The following HERC1 variants were observed in gnomAD, a reference collection of about 807,000 sequenced individuals.
HERC1 encodes HECT and RLD domain containing E3 ubiquitin protein ligase family member 1.
Under a neutral mutation model 554.3 loss-of-function variants are expected in HERC1, and 160 were observed. The observed-to-expected ratio is 0.29, with a 90% CI of 0.25 to 0.33. The LOEUF is 0.33. HERC1 is among the 10% of genes least tolerant of loss of function. The probability of loss-of-function intolerance (pLI) is 1.00; values close to 1 mark genes in which losing one functional copy is unlikely to be tolerated. For synonymous variants in HERC1, 2,175 were observed against 2,131.7 expected (o/e 1.02, Z -0.56); for missense variants, 4,919 against 5,918.5 (o/e 0.83, Z 5.54).
In HERC1 at chr15:63,734,287, T is replaced by G. The variant is rs939182894; in HGVS notation, c.2646+437A>C. 5.3e-5 allele frequency among the ~76,000 whole-genome samples: 8 copies of G among 152,158 alleles called. No individual in the cohort carries two copies. The highest frequency in any genetic ancestry group is 1.9e-4 in the African/African-American group (8 of 41,442). ...ATAACTTCTACTTGGTTGAGCAAAATGTACTATTTTAAGGTATATAAGATA... is the reference window on the plus strand; with the variant it reads ...ATAACTTCTACTTGGTTGAGCAAAAGGTACTATTTTAAGGTATATAAGATA... On this transcript the variant is annotated intron_variant, in intron 13 of 77. Coordinates refer to ENST00000443617, the MANE Select transcript of HERC1 (RefSeq NM_003922.4). This position sits in a 1 kb window ranked among gnomAD's most constrained non-coding sequence, Gnocchi z 4.6.
rs2074736941 is a variant in HERC1 at position 63,740,167 on chromosome 15, C to T, written c.2521-5318G>A. 2.0e-5 allele frequency among the ~76,000 whole-genome samples: 3 copies of T among 152,160 alleles called. No individual in the cohort carries two copies. In the South Asian group the frequency reaches 6.2e-4, roughly 31 times the overall value. On this transcript the variant is annotated intron_variant, in intron 12 of 77. Transcript: ENST00000443617. ...TCAAGTGATGTGCCCACCTTAGCCTCCCAAAGTGTGCAGATTACAGGTGTG... is the reference window on the plus strand; with the variant it reads ...TCAAGTGATGTGCCCACCTTAGCCTTCCAAAGTGTGCAGATTACAGGTGTG...
At chr15:63,651,775 A>C (rs553549979) in intron 52 of HERC1, among the ~76,000 whole-genome samples, 1 of 152,332 alleles carries the variant, frequency 6.6e-6, no homozygotes, top group Non-Finnish European at 1.5e-5. Context: ...GTAGTGGCTC[A>C]CATCTGTAAT....
intron 32 of HERC1, 50 bp downstream of exon 32, chr15:63,690,491 T>A: frequency 8.1e-7 from 1 of 1,229,048 alleles, no homozygotes; most frequent in Non-Finnish European, 1.2e-6. Context: ...TTTGGGTGAA[T>A]CATTTTGCAA....
At chr15:63,819,582 T>G (rs1450150570) in intron 1 of HERC1, among the ~76,000 whole-genome samples, 1 of 152,192 alleles carries the variant, frequency 6.6e-6, no homozygotes, top group African/African-American at 2.4e-5. Flanking sequence ...ATTACTGTTC[T>G]CTTCTAACAT....
At chr15:63,642,906 A>G (rs1049341672) in intron 59 of HERC1, 51 bp downstream of exon 59, 17 of 1,110,976 alleles carry the variant, frequency 1.5e-5, no homozygotes, top group Non-Finnish European at 1.8e-5. Flanking sequence ...TATGATTTCT[A>G]AAGTTCCTTA....
At chr15:63,765,046 G>A (rs191058383) in intron 2 of HERC1, among the ~76,000 whole-genome samples, 2 of 152,216 alleles carry the variant, frequency 1.3e-5, no homozygotes, top group Admixed American at 6.5e-5. Context: ...TTAAGCTGAC[G>A]GCTGACTTAT....
In HERC1 at chr15:63,612,625, G is replaced by A. The variant is rs959784174; in HGVS notation, c.14095-69C>T. 1.3e-6 allele frequency: 2 copies of A among 1,492,842 alleles called. No homozygotes were observed. Among genetic ancestry groups the A allele is most frequent in the Admixed American group, 1.9e-5 (1 of 53,476 alleles). 92.5% of individuals were successfully genotyped at this position (1,492,842 alleles called of 1,614,324 possible). A position where few individuals can be genotyped will look rare whatever the true frequency, so the allele number is the denominator to read the frequency against. Reference sequence around the variant, plus strand: ...CTGGCACCCACCAAGGGCCCTGTGGGGCTAGGCGCCTCCTGATGCCTGCTC... The same window carrying A: ...CTGGCACCCACCAAGGGCCCTGTGGAGCTAGGCGCCTCCTGATGCCTGCTC... On this transcript the variant is annotated intron_variant, in intron 76 of 77. Coordinates refer to ENST00000443617, the MANE Select transcript of HERC1 (RefSeq NM_003922.4). The surrounding 1 kb of genome is among the most constrained non-coding windows in gnomAD (Gnocchi z 5.0).
chr15:63,642,925 C>T (rs775008422), intron 59 of HERC1, 32 bp downstream of exon 59: 6 of 1,258,734 alleles, frequency 4.8e-6, no homozygotes, highest in African/African-American at 1.5e-5. Flanking sequence ...TACAAGCTTA[C>T]ACCCTATCAT....
chr15:63,810,582 C>T (rs2077272859), intron 1 of HERC1, among the ~76,000 whole-genome samples: 1 of 151,978 alleles, frequency 6.6e-6, no homozygotes, highest in Non-Finnish European at 1.5e-5. Flanking sequence ...TTGCTATAAC[C>T]TTTTTTATAC....
intron 1 of HERC1, among the ~76,000 whole-genome samples, chr15:63,777,609 C>G (rs2076152848): frequency 6.6e-6 from 1 of 152,166 alleles, no homozygotes; most frequent in South Asian, 2.1e-4. Flanking sequence ...GTTATCTTGT[C>G]AACTTGTAAA....
At chr15:63,629,622 A>C (rs528187637) in intron 69 of HERC1, among the ~76,000 whole-genome samples, 32 of 152,342 alleles carry the variant, frequency 2.1e-4, no homozygotes, top group African/African-American at 6.7e-4. Context: ...CACTGCCAGG[A>C]AACTCCCAAA....
intron 1 of HERC1, among the ~76,000 whole-genome samples, chr15:63,820,326 T>C (rs2077643642): frequency 6.6e-6 from 1 of 152,328 alleles, no homozygotes. Context: ...GCAGATACTA[T>C]GATCATATTA....
chr15:63,790,132 G>C (rs1388514672), intron 1 of HERC1, among the ~76,000 whole-genome samples: 1 of 152,112 alleles, frequency 6.6e-6, no homozygotes, highest in African/African-American at 2.4e-5. Context: ...ATTGCCATGA[G>C]GGCTACATGA....
chr15:63,662,842 TA>T lies in HERC1; in HGVS notation c.8901+141del, dbSNP rs61570739. The T allele has an allele frequency of 0.18, 109,842 of 622,704 alleles. 10,888 individuals are homozygous for T. The highest frequency in any genetic ancestry group is 0.2 in the Non-Finnish European group (70,117 of 356,810). The allele number at this position is 622,704 out of a possible 1,614,324, so 38.6% of individuals were successfully genotyped here. ...GTTTGTAGGTATCAAAGTAACCTCA[TA>T]ACTTTAAATCCCCAAACCTCAGGAT... On this transcript the variant is annotated intron_variant, in intron 44 of 77. Coordinates refer to ENST00000443617, the MANE Select transcript of HERC1 (RefSeq NM_003922.4).
intron 59 of HERC1, 21 bp downstream of exon 59, chr15:63,642,936 T>G: frequency 7.3e-7 from 1 of 1,378,364 alleles, no homozygotes; most frequent in Non-Finnish European, 1.0e-6. Context: ...ACCCTATCAT[T>G]TGATATAACT....
intron 1 of HERC1, among the ~76,000 whole-genome samples, chr15:63,806,578 G>C (rs550369220): frequency 1.3e-5 from 2 of 152,230 alleles, no homozygotes; most frequent in East Asian, 3.9e-4. Flanking sequence ...CTACTCTTTT[G>C]TCCCTTTCAG....
Position 63,680,421 on chromosome 15 carries a change from G to C in HERC1, c.6465+116C>G, listed in dbSNP as rs2071418060. On this transcript the variant is annotated intron_variant, in intron 35 of 77. Transcript: ENST00000443617. The surrounding 1 kb of genome is among the most constrained non-coding windows in gnomAD (Gnocchi z 5.8). The stretch of plus-strand genomic sequence containing the variant: ...ATGTTTTAAGAACCAGAAAGTATTA[G>C]AGAGAAAGGAGAGACGAGCAGATAA... 2 of 1,109,874 alleles carry C rather than the reference G, an allele frequency of 1.8e-6. No homozygotes were observed. Among genetic ancestry groups the C allele is most frequent in the African/African-American group, 1.6e-5 (1 of 63,156 alleles). 68.8% of individuals were successfully genotyped at this position (1,109,874 alleles called of 1,614,324 possible).
Position 63,659,825 on chromosome 15 carries a change from G to A in HERC1, c.9335C>T (p.Pro3112Leu). The A allele has an allele frequency of 1.2e-6, 2 of 1,613,902 alleles. No individual in the cohort carries two copies. Among genetic ancestry groups the A allele is most frequent in the Non-Finnish European group, 1.7e-6 (2 of 1,179,826 alleles). The change falls in exon 47 of 78, where the codon CCA (proline) becomes CTA (leucine). Residue 3112 changes from proline to leucine, a missense_variant. Around this residue, in one of 11 missense-constraint regions of HERC1, gnomAD observed 1,963 missense variants for 2,228.6 expected, o/e 0.88. Coordinates refer to ENST00000443617, the MANE Select transcript of HERC1 (RefSeq NM_003922.4). ...TGGATCGCTGTCAGGGAACTGAACT[G>A]GTTCTGGTACAATGCGCCGGTCATT... The part of the protein sequence containing the change: ...GLNDRRIVPE[P>L]VQFPDSDPLG...
At position 63,628,698 on chromosome 15, in the gene HERC1, G is replaced by A; in HGVS notation, c.13084C>T (p.Pro4362Ser). The part of the protein sequence containing the change: ...RCHSAAWTAP[P>S]VPPRAPGVSV... Reference sequence around the variant, plus strand: ...TCACCTGGTGCTCTTGGTGGGACAGGTGGTGCTGTCCATGCAGCACTGTGG... The same window carrying A: ...TCACCTGGTGCTCTTGGTGGGACAGATGGTGCTGTCCATGCAGCACTGTGG... Residue 4362 changes from proline (P) to serine (S), a missense_variant, in exon 70 of 78, where the codon CCT becomes TCT. Coordinates refer to ENST00000443617, the MANE Select transcript of HERC1 (RefSeq NM_003922.4). 1 of 1,612,734 alleles carries A rather than the reference G, an allele frequency of 6.2e-7. No individual in the cohort carries two copies. Among genetic ancestry groups the A allele is most frequent in the Admixed American group, 1.7e-5 (1 of 59,646 alleles).
Sources: gnomAD v4.1 joint callset for allele counts (sites outside exome capture counted in the v4.1 genomes callset) on GRCh38, gnomAD v4.1.1 for gene constraint, gnomAD v4.1.1 regional missense constraint, Gnocchi (gnomAD v3.1) non-coding constraint, MANE v1.5 for transcripts, NCBI Gene and HGNC (gene_info 2026-07-23, HGNC 2026-07-21) for gene names.